Variants in HRH1 observed in about 807,000 individuals in gnomAD.
The protein encoded by HRH1 is histamine H1 receptor.
A neutral mutation model predicts 10.3 loss-of-function variants in HRH1; 6 were observed. The observed-to-expected ratio is 0.58, with a 90% CI of 0.32 to 1.15. The LOEUF (loss-of-function observed/expected upper bound fraction) is 1.15, where lower values mean the gene tolerates loss of function less well. HRH1 is among the 50% of genes most tolerant of loss of function. The pLI is 0.05. For missense variants in HRH1, 514 were observed against 615.3 expected (o/e 0.84, Z 1.74); for synonymous variants, 242 against 236.7 (o/e 1.02, Z -0.21).
intron 1 of HRH1, among the ~76,000 whole-genome samples, chr3:11,162,012 G>A (rs866071399): frequency 6.6e-6 from 1 of 152,210 alleles, no homozygotes; most frequent in Non-Finnish European, 1.5e-5. Flanking sequence ...ACAGTGGAGC[G>A]TGTGGGCTCG....
At chr3:11,253,251 A>G (rs572382096) in intron 1 of HRH1, 1 of 152,302 alleles carries the variant, frequency 6.6e-6, no homozygotes, top group Admixed American at 6.5e-5. Context: ...CCACTTCTAA[A>G]TTTACCAAGG....
intron 1 of HRH1, among the ~76,000 whole-genome samples, chr3:11,253,845 T>C (rs1406569119): frequency 6.6e-6 from 1 of 152,124 alleles, no homozygotes; most frequent in African/African-American, 2.4e-5. Flanking sequence ...GTCTAAAGTA[T>C]ATATCTGGGG....
upstream of HRH1, among the ~76,000 whole-genome samples, chr3:11,150,448 C>T (rs1315912388): frequency 1.3e-5 from 2 of 152,266 alleles, no homozygotes; most frequent in African/African-American, 4.8e-5. Flanking sequence ...GAGGAGACGG[C>T]TGACTCCATG....
chr3:11,144,479 A>AGACATACTTCTATAGG (rs1936382814), intron 1 of HRH1, among the ~76,000 whole-genome samples: 1 of 143,206 alleles, frequency 7.0e-6, no homozygotes, highest in African/African-American at 2.5e-5. Flanking sequence ...ATAGACATAT[A>AGACATACTTCTATAGG]TATACACACA....
At chr3:11,245,675 A>G (rs1420324157) in intron 1 of HRH1, among the ~76,000 whole-genome samples, 1 of 152,110 alleles carries the variant, frequency 6.6e-6, no homozygotes, top group African/African-American at 2.4e-5. Flanking sequence ...TCCCCACCTA[A>G]TGGTTTCAGA....
intron 1 of HRH1, among the ~76,000 whole-genome samples, chr3:11,162,150 C>G (rs751260821): frequency 2.0e-5 from 3 of 152,132 alleles, no homozygotes; most frequent in African/African-American, 7.2e-5. Context: ...CCTGCAGGCA[C>G]GCTGGCTCCC....
chr3:11,166,243 T>A (rs975046488), intron 1 of HRH1, among the ~76,000 whole-genome samples: 1 of 152,154 alleles, frequency 6.6e-6, no homozygotes, highest in African/African-American at 2.4e-5. Context: ...CATAACAACA[T>A]GAGTGAGTGC....
At chr3:11,167,570 G>A (rs1389111360) in intron 1 of HRH1, among the ~76,000 whole-genome samples, 1 of 152,276 alleles carries the variant, frequency 6.6e-6, no homozygotes, top group Non-Finnish European at 1.5e-5. Context: ...CCAGGCCTGT[G>A]ATATCTGTAG....
chr3:11,245,510 G>T (rs1939457296), intron 1 of HRH1, among the ~76,000 whole-genome samples: 1 of 152,162 alleles, frequency 6.6e-6, no homozygotes, highest in African/African-American at 2.4e-5. Flanking sequence ...TCTTGGGCTT[G>T]CGGGCATTTA....
At chr3:11,139,445 A>G (rs1384101589) in intron 1 of HRH1, among the ~76,000 whole-genome samples, 2 of 151,970 alleles carry the variant, frequency 1.3e-5, no homozygotes, top group Non-Finnish European at 1.5e-5. Context: ...ACGCCCAGCT[A>G]ATTTTTATAT....
intron 1 of HRH1, among the ~76,000 whole-genome samples, chr3:11,158,584 TA>T (rs1228965346): frequency 6.6e-6 from 1 of 152,238 alleles, no homozygotes; most frequent in African/African-American, 2.4e-5. Context: ...TTATTTAGGA[TA>T]TTTTTAACAT....
chr3:11,143,566 C>A (rs1413858122), intron 1 of HRH1, among the ~76,000 whole-genome samples: 1 of 152,230 alleles, frequency 6.6e-6, no homozygotes, highest in Non-Finnish European at 1.5e-5. Flanking sequence ...CTATTCTAGT[C>A]CGCAGGTTCA....
chr3:11,219,956 T>G (rs925635198), intron 1 of HRH1, among the ~76,000 whole-genome samples: 13 of 150,518 alleles, frequency 8.6e-5, no homozygotes, highest in East Asian at 1.9e-4. Context: ...TGTTGTTTTT[T>G]TTTTTTTTTT....
chr3:11,224,427 G>A (rs1006849169), intron 1 of HRH1, among the ~76,000 whole-genome samples: 1 of 152,194 alleles, frequency 6.6e-6, no homozygotes, highest in Non-Finnish European at 1.5e-5. Flanking sequence ...GCCGGGCGCG[G>A]TGGCTCACGC....
chr3:11,192,972 A>G (rs2125022282), intron 1 of HRH1, among the ~76,000 whole-genome samples: 1 of 152,370 alleles, frequency 6.6e-6, no homozygotes, highest in African/African-American at 2.4e-5. Context: ...GCTATGGCTC[A>G]GTCATTATAG....
At chr3:11,142,640 C>A (rs900670223) in intron 1 of HRH1, among the ~76,000 whole-genome samples, 2 of 152,240 alleles carry the variant, frequency 1.3e-5, no homozygotes, top group Admixed American at 6.5e-5. Context: ...TGAAGCCAGG[C>A]ACAGTGGCTC....
chr3:11,144,777 T>A (rs1936394808), intron 1 of HRH1, among the ~76,000 whole-genome samples: 1 of 151,786 alleles, frequency 6.6e-6, no homozygotes, highest in African/African-American at 2.4e-5. Flanking sequence ...ATGTAGCTCT[T>A]CCTGAATTGC....
upstream of HRH1, among the ~76,000 whole-genome samples, chr3:11,153,247 G>C (rs781431659): frequency 5.9e-5 from 9 of 152,104 alleles, no homozygotes; most frequent in Non-Finnish European, 1.3e-4. Context: ...CTACCTACTA[G>C]GACCTATTAT....
chr3:11,221,412 G>A (rs183213299), intron 1 of HRH1, among the ~76,000 whole-genome samples: 8 of 151,748 alleles, frequency 5.3e-5, no homozygotes, highest in Admixed American at 3.9e-4. Context: ...AAAATTAGCC[G>A]GCCATGGCAG....
Sources: gnomAD v4.1 joint callset for allele counts (sites outside exome capture counted in the v4.1 genomes callset) on GRCh38, gnomAD v4.1.1 for gene constraint, MANE v1.5 for transcripts, NCBI Gene and HGNC (gene_info 2026-07-23, HGNC 2026-07-21) for gene names.